Variants in HIVEP3 observed in about 807,000 individuals in gnomAD.
HIVEP3 encodes the protein HIVEP zinc finger 3.
HIVEP3 carries 49 observed loss-of-function variants against 152.8 expected under a neutral mutation model. The ratio of observed to expected loss-of-function variants is 0.32; its 90% CI spans 0.26 to 0.41. The LOEUF is 0.41. Among genes scored for constraint, HIVEP3 ranks in the 10% least tolerant of loss-of-function variants. The pLI, the probability that HIVEP3 is intolerant of heterozygous loss-of-function variation, is 1.00. For missense variants in HIVEP3, 2,790 were observed against 3,103.3 expected (o/e 0.90, Z 2.40); for synonymous variants, 1,269 against 1,289.0 (o/e 0.98, Z 0.33).
intron 1 of HIVEP3, among the ~76,000 whole-genome samples, chr1:41,890,862 G>A (rs969733178): frequency 3.3e-5 from 5 of 152,160 alleles, no homozygotes; most frequent in African/African-American, 7.2e-5. Context: ...CATTGTCAAC[G>A]CTCCACTCAG....
chr1:41,969,413 C>A (rs1645216836), intron 1 of HIVEP3, among the ~76,000 whole-genome samples: 1 of 152,158 alleles, frequency 6.6e-6, no homozygotes, highest in Admixed American at 6.5e-5. Flanking sequence ...CACACACCTA[C>A]AACCATCTGA....
At chr1:41,812,988 C>T (rs1651057154) in intron 1 of HIVEP3, among the ~76,000 whole-genome samples, 1 of 152,092 alleles carries the variant, frequency 6.6e-6, no homozygotes, top group Non-Finnish European at 1.5e-5. Context: ...CAAGAAGGAC[C>T]TTAGCTGTCT....
At chr1:41,763,143 A>C (rs1028430841) in intron 1 of HIVEP3, among the ~76,000 whole-genome samples, 9 of 152,268 alleles carry the variant, frequency 5.9e-5, no homozygotes, top group Non-Finnish European at 7.4e-5. Context: ...TCAAATAACA[A>C]AGGGGTCAGA....
intron 1 of HIVEP3, among the ~76,000 whole-genome samples, chr1:41,928,687 C>G (rs1644980234): frequency 6.6e-6 from 1 of 152,116 alleles, no homozygotes; most frequent in African/African-American, 2.4e-5. Context: ...TGCCCTTGAC[C>G]CTTTTGAAGA....
At chr1:41,815,440 C>T (rs1274421942) in intron 1 of HIVEP3, among the ~76,000 whole-genome samples, 1 of 152,106 alleles carries the variant, frequency 6.6e-6, no homozygotes, top group African/African-American at 2.4e-5. Flanking sequence ...CACCGCACTC[C>T]AGCCTGGGTG....
At chr1:41,834,045 T>A (rs1447690500) in intron 1 of HIVEP3, among the ~76,000 whole-genome samples, 1 of 152,104 alleles carries the variant, frequency 6.6e-6, no homozygotes. Flanking sequence ...ATCCCCAGCA[T>A]GGTCACAGAA....
chr1:42,008,484 T>G (rs935925725), intron 1 of HIVEP3, among the ~76,000 whole-genome samples: 2 of 152,236 alleles, frequency 1.3e-5, no homozygotes, highest in Admixed American at 6.5e-5. Context: ...TTCTGATTGT[T>G]GGCAGCTGCT....
intron 1 of HIVEP3, among the ~76,000 whole-genome samples, chr1:41,830,615 G>C (rs1202577202): frequency 6.6e-6 from 1 of 152,190 alleles, no homozygotes; most frequent in Non-Finnish European, 1.5e-5. Context: ...CTCGCACAGG[G>C]ACAAAGACCT....
intron 5 of HIVEP3, among the ~76,000 whole-genome samples, chr1:41,545,018 T>TACCACC (rs1166539165): frequency 1.2e-4 from 4 of 32,712 alleles, no homozygotes; most frequent in African/African-American, 5.2e-4. Flanking sequence ...CCACCACCAC[T>TACCACC]ACCACCACCA....
intron 1 of HIVEP3, among the ~76,000 whole-genome samples, chr1:41,832,195 T>C (rs1642983303): frequency 6.6e-6 from 1 of 152,190 alleles, no homozygotes; most frequent in Non-Finnish European, 1.5e-5. Context: ...GAAACTAGCC[T>C]CTGGTCCAGC....
At chr1:41,891,617 T>C (rs1644448038) in intron 1 of HIVEP3, among the ~76,000 whole-genome samples, 1 of 152,120 alleles carries the variant, frequency 6.6e-6, no homozygotes, top group South Asian at 2.1e-4. Context: ...AGCAAATGAT[T>C]TGAATGTGTG....
chr1:41,846,107 A>G (rs1643437044), intron 1 of HIVEP3, among the ~76,000 whole-genome samples: 1 of 152,124 alleles, frequency 6.6e-6, no homozygotes, highest in South Asian at 2.1e-4. Context: ...AAACCAACGC[A>G]CGAATAACAT....
In HIVEP3 at chr1:41,581,102, TGAG is replaced by T. The variant is rs1558081860; in HGVS notation, c.3693_3695del (p.Ser1232del). 6.4e-7 allele frequency: 1 copy of T among 1,559,642 alleles called. No individual in the cohort carries two copies. The highest frequency in any genetic ancestry group is 2.3e-5 in the East Asian group (1 of 44,346). Reference sequence around the variant, plus strand: ...GCAGGAAAAACCCAGAAGACAGTGCTGAGGAGGTCGGGTATGGCATGGGGAGGA... The same window carrying T: ...GCAGGAAAAACCCAGAAGACAGTGCTGAGGTCGGGTATGGCATGGGGAGGA... On this transcript the variant is annotated inframe_deletion, in exon 4 of 9. Coordinates refer to ENST00000372583, the MANE Select transcript of HIVEP3 (RefSeq NM_024503.5). The surrounding 1 kb of genome is among the most constrained non-coding windows in gnomAD (Gnocchi z 4.5).
chr1:41,794,164 A>G (rs190090590), intron 1 of HIVEP3, among the ~76,000 whole-genome samples: 2 of 152,306 alleles, frequency 1.3e-5, no homozygotes, highest in East Asian at 1.9e-4. Flanking sequence ...CCTCACAATC[A>G]TGGTGGAAGA....
chr1:41,535,841 T>A (rs528909835), intron 5 of HIVEP3: 1 of 151,772 alleles, frequency 6.6e-6, no homozygotes, highest in East Asian at 1.9e-4. Context: ...ACGCAAGGAC[T>A]GGACCCCAGA....
intron 2 of HIVEP3, among the ~76,000 whole-genome samples, chr1:41,652,565 A>G (rs1645567124): frequency 6.6e-6 from 1 of 152,198 alleles, no homozygotes; most frequent in South Asian, 2.1e-4. Flanking sequence ...CAGGCAGTCT[A>G]CAGGACTCAC....
intron 1 of HIVEP3, among the ~76,000 whole-genome samples, chr1:41,860,095 A>G (rs1643868926): frequency 6.6e-6 from 1 of 152,166 alleles, no homozygotes; most frequent in Non-Finnish European, 1.5e-5. Flanking sequence ...CGGATCAACA[A>G]CTGGATTCTG....
At chr1:42,019,442 G>A (rs1174725507) in intron 1 of HIVEP3, among the ~76,000 whole-genome samples, 1 of 151,890 alleles carries the variant, frequency 6.6e-6, no homozygotes, top group Non-Finnish European at 1.5e-5. Context: ...TTTCAATGTA[G>A]AAATCTTACA....
At chr1:41,940,360 C>G (rs1352418844) in intron 1 of HIVEP3, among the ~76,000 whole-genome samples, 2 of 152,222 alleles carry the variant, frequency 1.3e-5, no homozygotes, top group Non-Finnish European at 2.9e-5. Context: ...GTGCCCAACA[C>G]TGTGCCAGGC....
Sources: allele counts gnomAD v4.1 joint callset (sites outside exome capture counted in the v4.1 genomes callset), GRCh38; gene constraint gnomAD v4.1.1; non-coding constraint Gnocchi (gnomAD v3.1); transcripts MANE v1.5; gene names NCBI Gene and HGNC (gene_info 2026-07-23, HGNC 2026-07-21).